The following NBPF26 variants were observed in gnomAD, a reference collection of about 807,000 sequenced individuals.
NBPF26 encodes the protein NBPF member 26.
In NBPF26, 79 loss-of-function variants were observed where a neutral mutation model predicts 119.6. The ratio of observed to expected loss-of-function variants is 0.66; its 90% confidence interval spans 0.55 to 0.80. The LOEUF (loss-of-function observed/expected upper bound fraction) is 0.80, where lower values mean the gene tolerates loss of function less well. NBPF26 is among the 30% of genes least tolerant of loss of function. The pLI, the probability that NBPF26 is intolerant of heterozygous loss-of-function variation, is 0.00. For synonymous variants in NBPF26, 299 were observed against 457.7 expected (o/e 0.65, Z 4.43); for missense variants, 800 against 1,198.2 (o/e 0.67, Z 4.91).
At position 120,811,936 on chromosome 1, in the gene NBPF26, G is replaced by A. The variant is rs1553271033; in HGVS notation, c.1615G>A (p.Gly539Ser). Residue 539 changes from glycine (G) to serine (S), a missense_variant, in exon 10 of 30, where the codon GGC becomes AGC. Gly to Ser is a moderately conservative substitution (Grantham distance 56, BLOSUM62 0). Transcript: ENST00000620612. ...AAACGTCAGCATGGTGGTATCAGCC[G>A]GCCCTTTGTCCGGCGAGAAGGCAGC... 25 of 1,166,208 alleles carry A rather than the reference G, an allele frequency of 2.1e-5. 6 individuals carry two copies. Among genetic ancestry groups the A allele is most frequent in the African/African-American group, 2.1e-4 (7 of 33,598 alleles). The allele number at this position is 1,166,208 out of a possible 1,614,324, so 72.2% of individuals were successfully genotyped here.
At chr1:120,833,937 C>G (rs1197765584) in intron 24 of NBPF26, among the ~76,000 whole-genome samples, 162 bp downstream of exon 28, 1 of 70,920 alleles carries the variant, frequency 1.4e-5, no homozygotes, top group Non-Finnish European at 2.3e-5. Context: ...ACTTGGAAGC[C>G]CAGACAAGGG....
At position 120,781,934 on chromosome 1, in the gene NBPF26, G is replaced by A. The variant is rs1239796178; in HGVS notation, c.156-3040G>A. On this transcript the variant is annotated intron_variant, in intron 2 of 29. Coordinates refer to ENST00000620612, the Ensembl canonical transcript of NBPF26. ...GGAGATTATAATATAGCACTGGAGC[G>A]AGTAATACAAGAGACAATAGCTATC... is the stretch of plus-strand genomic sequence containing the variant. Among the ~76,000 whole-genome samples the A allele has an allele frequency of 2.8e-5, 3 of 108,182 alleles. 1 individual carries two copies. The highest frequency in any genetic ancestry group is 2.2e-4 in the East Asian group (1 of 4,502). 71.0% of individuals were successfully genotyped at this position (108,182 alleles called of 152,430 possible).
chr1:120,778,443 A>T (rs1651323761), intron 2 of NBPF26, among the ~76,000 whole-genome samples: 1 of 111,922 alleles, frequency 8.9e-6, no homozygotes, highest in Admixed American at 8.6e-5. Context: ...CGCAACCCAC[A>T]TGAGACTTTT....
intron 2 of NBPF26, among the ~76,000 whole-genome samples, chr1:120,784,242 A>G (rs1262810225): frequency 8.4e-6 from 1 of 119,002 alleles, no homozygotes; most frequent in East Asian, 2.1e-4. Flanking sequence ...CTAGTTTCAC[A>G]TAAAGCAAAT....
In NBPF26 at chr1:120,810,729, C is replaced by A. The variant is rs1321420996; in HGVS notation, c.1564+171C>A. ...AGCACTTTGGAAGGCCCAAGTGGGACGATGACTTGAGTTCAGGAGTTGAAG... is the reference window on the plus strand; with the variant it reads ...AGCACTTTGGAAGGCCCAAGTGGGAAGATGACTTGAGTTCAGGAGTTGAAG... On this transcript the variant is annotated intron_variant, in intron 9 of 29. Coordinates refer to ENST00000620612, the Ensembl canonical transcript of NBPF26. Among the ~76,000 whole-genome samples the A allele has an allele frequency of 3.1e-4, 35 of 113,104 alleles. 13 individuals are homozygous for A. The highest frequency in any genetic ancestry group is 1.7e-3 in the African/African-American group (34 of 19,594). The allele number at this position is 113,104 out of a possible 152,430, so 74.2% of individuals were successfully genotyped here.
rs1160510362 is a variant in NBPF26 at position 120,724,267 on chromosome 1, G to A, written c.73+17G>A. 1.6e-5 allele frequency: 22 copies of A among 1,388,584 alleles called. 5 individuals carry two copies. Among genetic ancestry groups the A allele is most frequent in the Non-Finnish European group, 2.1e-5 (22 of 1,061,638 alleles). The allele number at this position is 1,388,584 out of a possible 1,614,324, so 86.0% of individuals were successfully genotyped here. ...CCGCGCATGGTGAGTATCGGGCTGA[G>A]GGGCGCTGTCCGCGGCGCCCGGGGC... On this transcript the variant is annotated intron_variant, in intron 1 of 29. Transcript: ENST00000620612.
intron 16 of NBPF26, among the ~76,000 whole-genome samples, chr1:120,823,036 G>GA (rs1427809612): frequency 8.2e-6 from 1 of 122,420 alleles, no homozygotes; most frequent in Non-Finnish European, 1.6e-5. Context: ...ATTTATTGGG[G>GA]AAAAAATTGC....
chr1:120,812,921 A>AAATAATAATAAT lies in NBPF26; in HGVS notation c.1774+853_1774+864dup, dbSNP rs1209954653. On this transcript the variant is annotated intron_variant, in intron 10 of 29. Coordinates refer to ENST00000620612, the Ensembl canonical transcript of NBPF26. ...CTGGGCGACAGGGCAAGACTGCTAAAAATAATAATAATAATAATAATAATA... is the reference window on the plus strand; with the variant it reads ...CTGGGCGACAGGGCAAGACTGCTAAAAATAATAATAATAATAATAATAATAATAATAATAATA... Among the ~76,000 whole-genome samples the AAATAATAATAAT allele has an allele frequency of 7.6e-4, 85 of 111,328 alleles. 2 individuals are homozygous for AAATAATAATAAT. The highest frequency in any genetic ancestry group is 3.9e-3 in the African/African-American group (77 of 19,730). The allele number at this position is 111,328 out of a possible 152,430, so 73.0% of individuals were successfully genotyped here.
At chr1:120,801,826 CAAAA>C (rs1168359637) in intron 4 of NBPF26, among the ~76,000 whole-genome samples, 5 of 9,078 alleles carry the variant, frequency 5.5e-4, no homozygotes, top group Non-Finnish European at 7.7e-4. Flanking sequence ...GACCCTGTCT[CAAAA>C]AAAAAAAAAA....
chr1:120,815,310 A>G lies in NBPF26; in HGVS notation c.2092+267A>G, dbSNP rs1243132689. ...ATCTATCTAGTTTTAAAGGACAGGAAGGAGGCTGGGATGGGAGCAGGCTTG... is the reference window on the plus strand; with the variant it reads ...ATCTATCTAGTTTTAAAGGACAGGAGGGAGGCTGGGATGGGAGCAGGCTTG... On this transcript the variant is annotated intron_variant, in intron 12 of 29. Transcript: ENST00000620612. Among the ~76,000 whole-genome samples, 4 of 116,976 alleles carry G rather than the reference A, an allele frequency of 3.4e-5. 2 individuals carry two copies. Among genetic ancestry groups the G allele is most frequent in the African/African-American group, 1.0e-4 (2 of 19,790 alleles). The allele number at this position is 116,976 out of a possible 152,430, so 76.7% of individuals were successfully genotyped here. A position where few individuals can be genotyped will look rare whatever the true frequency, so the allele number is the denominator to read the frequency against.
At chr1:120,812,925 A>AATAATAATG (rs1651905537) in intron 10 of NBPF26, among the ~76,000 whole-genome samples, 1 of 11,534 alleles carries the variant, frequency 8.7e-5, no homozygotes, top group African/African-American at 8.1e-4. Context: ...TGCTAAAAAT[A>AATAATAATG]ATAATAATAA....
In NBPF26 at chr1:120,778,025, G is replaced by C. The variant is rs1302323041; in HGVS notation, c.156-6949G>C. Among the ~76,000 whole-genome samples, 3 of 84,428 alleles carry C rather than the reference G, an allele frequency of 3.6e-5. 1 individual carries two copies. Among genetic ancestry groups the C allele is most frequent in the South Asian group, 3.5e-4 (1 of 2,846 alleles). The allele number at this position is 84,428 out of a possible 152,430, so 55.4% of individuals were successfully genotyped here. On this transcript the variant is annotated intron_variant, in intron 2 of 29. Transcript: ENST00000620612. Reference sequence around the variant, plus strand: ...AGCCTTGGGAATTGAATGTTACATAGGAACTTTCACTGGTTCCAGCTAGCC... The same window carrying C: ...AGCCTTGGGAATTGAATGTTACATACGAACTTTCACTGGTTCCAGCTAGCC...
rs1411023711 is a variant in NBPF26, at chr1:120,812,141, T to C, written c.1774+46T>C. On this transcript the variant is annotated intron_variant, in intron 10 of 29. Transcript: ENST00000620612. Reference sequence around the variant, plus strand: ...ATCACGAAAGTGATGAACGAGGTCCTGTCTTCTCTCTGAGACACTAAATGC... The same window carrying C: ...ATCACGAAAGTGATGAACGAGGTCCCGTCTTCTCTCTGAGACACTAAATGC... 6.1e-6 allele frequency: 6 copies of C among 985,636 alleles called. 1 individual carries two copies. The highest frequency in any genetic ancestry group is 1.5e-6 in the Non-Finnish European group (1 of 669,696). The allele number at this position is 985,636 out of a possible 1,614,324, so 61.1% of individuals were successfully genotyped here. A position where few individuals can be genotyped will look rare whatever the true frequency, so the allele number is the denominator to read the frequency against.
At chr1:120,790,103 C>T (rs1257764850) in intron 3 of NBPF26, among the ~76,000 whole-genome samples, 1 of 92,678 alleles carries the variant, frequency 1.1e-5, no homozygotes, top group Non-Finnish European at 1.9e-5. Flanking sequence ...GCAAGTTCCA[C>T]CTCCCGGGTT....
At chr1:120,813,404 T>A (rs1341612211) in intron 10 of NBPF26, among the ~76,000 whole-genome samples, 4 of 127,348 alleles carry the variant, frequency 3.1e-5, no homozygotes, top group African/African-American at 3.8e-5. Flanking sequence ...CTTAAAATCA[T>A]AACTGGAGAT....
exon 3 of NBPF26, chr1:120,785,158 C>A (rs1651411439): frequency 6.9e-7 from 1 of 1,446,436 alleles, no homozygotes; most frequent in South Asian, 1.2e-5. Flanking sequence ...TGTGTCTCGA[C>A]CTTGCCTGAA....
In NBPF26 at chr1:120,748,145, T is replaced by G. The variant is rs1215530300; in HGVS notation, c.74-15483T>G. Reference sequence around the variant, plus strand: ...TTTTTTTTTTTTTTTTTTTAAAGTCTTTCCACCTTAACTAGCAAGTAAGCT... The same window carrying G: ...TTTTTTTTTTTTTTTTTTTAAAGTCGTTCCACCTTAACTAGCAAGTAAGCT... On this transcript the variant is annotated intron_variant, in intron 1 of 29. Transcript: ENST00000620612. Among the ~76,000 whole-genome samples, 135 of 47,066 alleles carry G rather than the reference T, an allele frequency of 2.9e-3. 10 individuals carry two copies. The highest frequency in any genetic ancestry group is 0.02 in the African/African-American group (131 of 6,414). 30.9% of individuals were successfully genotyped at this position (47,066 alleles called of 152,430 possible).
chr1:120,811,201 T>G (rs1651855796), intron 9 of NBPF26, among the ~76,000 whole-genome samples: 1 of 105,160 alleles, frequency 9.5e-6, no homozygotes, highest in Non-Finnish European at 1.8e-5. Flanking sequence ...TGAGCCAAGA[T>G]TGTGCCACTG....
rs1215305526 is a variant in NBPF26, at chr1:120,815,264, G to A, written c.2092+221G>A. On this transcript the variant is annotated intron_variant, in intron 12 of 29. Coordinates refer to ENST00000620612, the Ensembl canonical transcript of NBPF26. The stretch of plus-strand genomic sequence containing the variant: ...GTCCCTCCTTCCTTGATGGAAGGTG[G>A]TCTTTGGAGCAAGAGGCAGCATCTA... 1.6e-4 allele frequency among the ~76,000 whole-genome samples: 18 copies of A among 115,992 alleles called. 4 individuals carry two copies. The highest frequency in any genetic ancestry group is 2.5e-4 in the South Asian group (1 of 3,976). The allele number at this position is 115,992 out of a possible 152,430, so 76.1% of individuals were successfully genotyped here.
Sources: gnomAD v4.1 joint callset for allele counts (sites outside exome capture counted in the v4.1 genomes callset) on GRCh38, gnomAD v4.1.1 for gene constraint, MANE v1.5 for transcripts, NCBI Gene and HGNC (gene_info 2026-07-23, HGNC 2026-07-21) for gene names.